AKR1C3: variants seen among roughly 807,000 people sequenced by gnomAD.
AKR1C3 encodes the protein aldo-keto reductase family 1 member C3.
A neutral mutation model predicts 43.6 loss-of-function variants in AKR1C3; 48 were observed. That is an observed-to-expected ratio of 1.10 (90% CI 0.87 to 1.40). The LOEUF is 1.40. Ranked by LOEUF, AKR1C3 falls within the 40% of genes most tolerant of loss-of-function variation. The pLI, the probability that AKR1C3 is intolerant of heterozygous loss-of-function variation, is 0.00. For synonymous variants in AKR1C3, 162 were observed against 139.6 expected (o/e 1.16, Z -1.13); for missense variants, 482 against 391.2 (o/e 1.23, Z -1.96).
At chr10:5,054,817 T>C (rs530431294) in intron 1 of AKR1C3, among the ~76,000 whole-genome samples, 9 of 152,332 alleles carry the variant, frequency 5.9e-5, no homozygotes, top group African/African-American at 2.2e-4. Context: ...TCTCTTTCTT[T>C]CCTTTCTGCT....
intron 1 of AKR1C3, among the ~76,000 whole-genome samples, chr10:5,083,293 G>T (rs1329478684): frequency 1.3e-5 from 2 of 151,452 alleles, no homozygotes; most frequent in Non-Finnish European, 2.9e-5. Context: ...TGTTCTCATT[G>T]TTCAATTCCC....
At chr10:5,088,499 G>A (rs1464277661) in intron 1 of AKR1C3, among the ~76,000 whole-genome samples, 2 of 151,744 alleles carry the variant, frequency 1.3e-5, no homozygotes, top group East Asian at 3.9e-4. Flanking sequence ...TATGAATCTG[G>A]GTGCTCCAAT....
chr10:5,078,638 C>A (rs1180486340), intron 1 of AKR1C3, among the ~76,000 whole-genome samples: 2 of 152,078 alleles, frequency 1.3e-5, no homozygotes, highest in Non-Finnish European at 2.9e-5. Context: ...CCGACATATT[C>A]CTCAATATGA....
At chr10:5,059,246 A>G (rs1224920011) in intron 1 of AKR1C3, among the ~76,000 whole-genome samples, 4 of 152,186 alleles carry the variant, frequency 2.6e-5, no homozygotes, top group African/African-American at 7.2e-5. Flanking sequence ...AGTCATTCTT[A>G]TGGGAGAAAC....
intron 5 of AKR1C3, among the ~76,000 whole-genome samples, chr10:5,100,143 A>AATTAGC (rs2131844170): frequency 6.6e-6 from 1 of 152,216 alleles, no homozygotes. Flanking sequence ...AAATACAAAA[A>AATTAGC]ATTAGCTGAG....
intron 1 of AKR1C3, among the ~76,000 whole-genome samples, chr10:5,060,371 G>A (rs782348727): frequency 1.1e-3 from 165 of 152,276 alleles, no homozygotes; most frequent in Admixed American, 4.5e-3. Context: ...TGATTGGTCC[G>A]TTTTGATGGT....
rs1839452855 is a variant in AKR1C3, at chr10:5,104,606, C to T, written c.847-989C>T. On this transcript the variant is annotated intron_variant, in intron 7 of 8. Coordinates refer to ENST00000380554, the MANE Select transcript of AKR1C3 (RefSeq NM_003739.6). ...TATGAAATTTTGAAACATCAACATC[C>T]ATGAAAGAGTACATATTTTAGTCTT... is the stretch of plus-strand genomic sequence containing the variant. 1.3e-5 allele frequency among the ~76,000 whole-genome samples: 2 copies of T among 152,054 alleles called. 1 individual carries two copies. Among genetic ancestry groups the T allele is most frequent in the South Asian group, 4.1e-4 (2 of 4,830 alleles).
At chr10:5,064,587 A>G in intron 1 of AKR1C3, among the ~76,000 whole-genome samples, 1 of 152,204 alleles carries the variant, frequency 6.6e-6, no homozygotes, top group East Asian at 1.9e-4. Context: ...AACAGAATAA[A>G]CAGACAACCT....
upstream of AKR1C3, among the ~76,000 whole-genome samples, chr10:5,089,737 A>G (rs1839046100): frequency 6.6e-6 from 1 of 151,840 alleles, no homozygotes; most frequent in African/African-American, 2.4e-5. Context: ...ACGTTTCTCA[A>G]TTTTATTTTG....
At chr10:5,102,247 T>C (rs782437507) in intron 6 of AKR1C3, 37 bp downstream of exon 6, 1 of 1,598,080 alleles carries the variant, frequency 6.3e-7, no homozygotes, top group South Asian at 1.1e-5. Context: ...TAAACCTTCA[T>C]TTTGCAGAAA....
intron 1 of AKR1C3, among the ~76,000 whole-genome samples, chr10:5,088,518 C>T (rs1554783597): frequency 6.6e-6 from 1 of 151,826 alleles, no homozygotes; most frequent in African/African-American, 2.4e-5. Flanking sequence ...ATATTGAATA[C>T]ATTTATATTT....
At chr10:5,057,587 C>T (rs1838288922) in intron 1 of AKR1C3, among the ~76,000 whole-genome samples, 1 of 152,168 alleles carries the variant, frequency 6.6e-6, no homozygotes, top group South Asian at 2.1e-4. Flanking sequence ...GATTTTCTTC[C>T]CTTTCCTGAG....
chr10:5,102,375 G>C, intron 6 of AKR1C3, 110 bp from the exon 7 acceptor site: 1 of 1,587,626 alleles, frequency 6.3e-7, no homozygotes, highest in South Asian at 1.1e-5. Context: ...ATGCTCGGGG[G>C]CCTCGCTTGA....
intron 1 of AKR1C3, among the ~76,000 whole-genome samples, chr10:5,087,321 A>G (rs1838989240): frequency 6.6e-6 from 1 of 151,368 alleles, no homozygotes; most frequent in Non-Finnish European, 1.5e-5. Context: ...TACAGGAGTC[A>G]CTGATACTCT....
At chr10:5,061,399 C>T (rs1838379889) in intron 1 of AKR1C3, among the ~76,000 whole-genome samples, 1 of 152,086 alleles carries the variant, frequency 6.6e-6, no homozygotes, top group Admixed American at 6.5e-5. Flanking sequence ...TGGGCTTCCT[C>T]CAGCAGTGTG....
At chr10:5,083,223 C>T (rs1253005054) in intron 1 of AKR1C3, among the ~76,000 whole-genome samples, 4 of 152,214 alleles carry the variant, frequency 2.6e-5, no homozygotes, top group Middle Eastern at 3.4e-3. Context: ...CTATCCCTCC[C>T]GACTCCCCCC....
rs1199989076 is a variant in AKR1C3, at chr10:5,102,651, G to A, written c.846+1G>A. ...GCAGCGCATCAGACAGAACGTGCAG[G>A]TGAGGAGCGGGGCTGTGGGCCTCAG... On this transcript the variant is annotated splice_donor_variant, in intron 7 of 8. Coordinates refer to ENST00000380554, the MANE Select transcript of AKR1C3 (RefSeq NM_003739.6). LOFTEE classifies it high-confidence loss of function. 2.7e-6 allele frequency: 4 copies of A among 1,460,142 alleles called. No homozygotes were observed. The highest frequency in any genetic ancestry group is 3.6e-6 in the Non-Finnish European group (4 of 1,104,096). 90.4% of individuals were successfully genotyped at this position (1,460,142 alleles called of 1,614,324 possible). A position where few individuals can be genotyped will look rare whatever the true frequency, so the allele number is the denominator to read the frequency against.
chr10:5,076,065 C>G (rs782199512), intron 1 of AKR1C3, among the ~76,000 whole-genome samples: 10 of 152,148 alleles, frequency 6.6e-5, no homozygotes, highest in Non-Finnish European at 1.5e-4. Flanking sequence ...TTAGCAACCA[C>G]CTTTCACTTG....
chr10:5,049,116 G>GTT (rs80118132), intron 1 of AKR1C3, among the ~76,000 whole-genome samples: 165 of 151,752 alleles, frequency 1.1e-3, no homozygotes, highest in Non-Finnish European at 1.5e-3. Context: ...TTGGGGCACT[G>GTT]TTTTTTTTCT....
Sources: gnomAD v4.1 joint callset for allele counts (sites outside exome capture counted in the v4.1 genomes callset) on GRCh38, gnomAD v4.1.1 for gene constraint, MANE v1.5 for transcripts, NCBI Gene and HGNC (gene_info 2026-07-23, HGNC 2026-07-21) for gene names.